SLC4A10: variants seen among roughly 807,000 people sequenced by gnomAD.
SLC4A10 encodes the protein sodium-driven chloride bicarbonate exchanger.
In SLC4A10, 42 loss-of-function variants were observed where a neutral mutation model predicts 137.7. That is an observed-to-expected ratio of 0.30 (90% CI 0.24 to 0.39). SLC4A10 has a LOEUF of 0.39. SLC4A10 is among the 10% of genes least tolerant of loss of function. The pLI is 1.00. For missense variants in SLC4A10, 925 were observed against 1,355.0 expected (o/e 0.68, Z 4.98); for synonymous variants, 474 against 464.1 (o/e 1.02, Z -0.27).
chr2:161,876,688 A>G (rs1393332789), intron 8 of SLC4A10, among the ~76,000 whole-genome samples: 1 of 152,168 alleles, frequency 6.6e-6, no homozygotes, highest in African/African-American at 2.4e-5. Context: ...TGTCTCAAAA[A>G]CTTAACCAAA....
intron 2 of SLC4A10, among the ~76,000 whole-genome samples, chr2:161,773,517 G>A (rs548743818): frequency 5.3e-5 from 8 of 151,812 alleles, no homozygotes; most frequent in African/African-American, 1.9e-4. Context: ...AGATAAACGC[G>A]TTTAAAAAAA....
chr2:161,725,412 G>C (rs2046108982), intron 1 of SLC4A10, among the ~76,000 whole-genome samples: 1 of 152,124 alleles, frequency 6.6e-6, no homozygotes, highest in South Asian at 2.1e-4. Context: ...CACATTGTAA[G>C]CCTTATGATG....
intron 1 of SLC4A10, among the ~76,000 whole-genome samples, chr2:161,687,236 AG>A (rs1351139066): frequency 6.6e-6 from 1 of 152,184 alleles, no homozygotes; most frequent in Non-Finnish European, 1.5e-5. Context: ...TGGAAAAAAG[AG>A]TTACAAATAT....
chr2:161,853,268 A>G lies in SLC4A10; in HGVS notation c.417-1702A>G, dbSNP rs143868019. On this transcript the variant is annotated intron_variant, in intron 4 of 26. Transcript: ENST00000446997. ...TTATGGCTCACAATTCATGTCCATC[A>G]TGAATCATTGGGGTTTTGCTCATCT... is the stretch of plus-strand genomic sequence containing the variant. 1.6e-3 allele frequency among the ~76,000 whole-genome samples: 242 copies of G among 152,286 alleles called. 1 individual carries two copies. The highest frequency in any genetic ancestry group is 5.5e-3 in the African/African-American group (230 of 41,582).
intron 3 of SLC4A10, among the ~76,000 whole-genome samples, chr2:161,837,314 T>C (rs2058880616): frequency 6.6e-6 from 1 of 152,108 alleles, no homozygotes; most frequent in African/African-American, 2.4e-5. Flanking sequence ...CATTAAAAAT[T>C]GGAAACAAAT....
At chr2:161,947,806 A>T in intron 17 of SLC4A10, 79 bp downstream of exon 17, 1 of 1,478,132 alleles carries the variant, frequency 6.8e-7, no homozygotes, top group Non-Finnish European at 9.1e-7. Flanking sequence ...AAAAGGAGCC[A>T]CTGAAAGGCT....
chr2:161,874,068 A>T, intron 8 of SLC4A10, 63 bp downstream of exon 8: 1 of 1,458,386 alleles, frequency 6.9e-7, no homozygotes, highest in East Asian at 2.5e-5. Context: ...GTATGGAGGC[A>T]TGTGATTCAA....
chr2:161,853,702 TG>T (rs200402531), intron 4 of SLC4A10, among the ~76,000 whole-genome samples: 5,961 of 152,332 alleles, frequency 0.039, 154 homozygotes, highest in Middle Eastern at 0.065. Flanking sequence ...GATATACTGT[TG>T]GTGATTTGTG....
intron 1 of SLC4A10, among the ~76,000 whole-genome samples, chr2:161,687,456 G>T (rs2041556047): frequency 6.6e-6 from 1 of 152,060 alleles, no homozygotes; most frequent in Admixed American, 6.6e-5. Flanking sequence ...TTATAAAATA[G>T]AACAATCACA....
At chr2:161,944,860 T>C (rs1025277922) in intron 16 of SLC4A10, among the ~76,000 whole-genome samples, 18 of 151,596 alleles carry the variant, frequency 1.2e-4, no homozygotes, top group African/African-American at 4.4e-4. Context: ...ATCAAAAATA[T>C]TTTATTAATA....
chr2:161,757,401 A>G lies in SLC4A10; in HGVS notation c.49-13572A>G, dbSNP rs761756579. Among the ~76,000 whole-genome samples, 3 of 152,294 alleles carry G rather than the reference A, an allele frequency of 2.0e-5. No homozygotes were observed. In the South Asian group the frequency reaches 6.2e-4, roughly 32 times the overall value. ...TCATCTTTGAAGTGGGGATCAAAATATTTAGATTCTAGAGCTCTTGGGAGG... is the reference window on the plus strand; with the variant it reads ...TCATCTTTGAAGTGGGGATCAAAATGTTTAGATTCTAGAGCTCTTGGGAGG... On this transcript the variant is annotated intron_variant, in intron 1 of 26. Coordinates refer to ENST00000446997, the MANE Select transcript of SLC4A10 (RefSeq NM_001178015.2).
intron 1 of SLC4A10, among the ~76,000 whole-genome samples, chr2:161,769,759 A>C (rs559715934): frequency 6.8e-4 from 104 of 151,864 alleles, no homozygotes; most frequent in African/African-American, 2.4e-3. Context: ...CAAGATTGAG[A>C]TATTGAAATT....
At chr2:161,855,865 T>C (rs1317674264) in intron 5 of SLC4A10, among the ~76,000 whole-genome samples, 2 of 152,068 alleles carry the variant, frequency 1.3e-5, no homozygotes, top group Non-Finnish European at 1.5e-5. Flanking sequence ...AAAGAGGCAG[T>C]TGAAAAGTTA....
chr2:161,893,016 T>C (rs1395792509), intron 10 of SLC4A10, among the ~76,000 whole-genome samples: 1 of 152,124 alleles, frequency 6.6e-6, no homozygotes, highest in Non-Finnish European at 1.5e-5. Flanking sequence ...AGGCCCCCTG[T>C]GCTTATAGAA....
intron 1 of SLC4A10, among the ~76,000 whole-genome samples, chr2:161,655,365 T>C (rs1427644697): frequency 6.6e-6 from 1 of 152,194 alleles, no homozygotes; most frequent in African/African-American, 2.4e-5. Context: ...TTTTCTTACC[T>C]TATTTCTCTG....
At chr2:161,732,551 C>G (rs187672845) in intron 1 of SLC4A10, among the ~76,000 whole-genome samples, 7 of 152,304 alleles carry the variant, frequency 4.6e-5, no homozygotes, top group African/African-American at 1.7e-4. Context: ...TAGAACAGTA[C>G]ATCATCATAT....
chr2:161,942,296 G>T (rs1021794469), intron 15 of SLC4A10, among the ~76,000 whole-genome samples: 1 of 152,102 alleles, frequency 6.6e-6, no homozygotes, highest in African/African-American at 2.4e-5. Context: ...ACTGTAAATT[G>T]AGGTTAACTT....
At chr2:161,896,269 C>T (rs1156797569) in intron 11 of SLC4A10, among the ~76,000 whole-genome samples, 1 of 151,770 alleles carries the variant, frequency 6.6e-6, no homozygotes, top group Admixed American at 6.6e-5. Context: ...TTCCATTGAT[C>T]TATATCTCTG....
intron 15 of SLC4A10, among the ~76,000 whole-genome samples, chr2:161,918,587 T>C (rs759980578): frequency 6.6e-6 from 1 of 152,230 alleles, no homozygotes; most frequent in Non-Finnish European, 1.5e-5. Context: ...TAATAGTGCT[T>C]ATTTTGATTA....
Sources: allele counts gnomAD v4.1 joint callset (sites outside exome capture counted in the v4.1 genomes callset), GRCh38; gene constraint gnomAD v4.1.1; transcripts MANE v1.5; gene names NCBI Gene and HGNC (gene_info 2026-07-23, HGNC 2026-07-21).